Variants in ANKMY1 observed in about 807,000 individuals in gnomAD.
ANKMY1 encodes ankyrin repeat and MYND domain containing 1.
Under a neutral mutation model 102.0 loss-of-function variants are expected in ANKMY1, and 98 were observed. The observed-to-expected ratio is 0.96, with a 90% CI of 0.82 to 1.14. ANKMY1 has a LOEUF of 1.14. ANKMY1 is among the 50% of genes most tolerant of loss of function. ANKMY1 has a pLI of 0.00. For synonymous variants in ANKMY1, 582 were observed against 559.9 expected (o/e 1.04, Z -0.56); for missense variants, 1,330 against 1,347.6 (o/e 0.99, Z 0.20).
chr2:240,515,869 C>T (rs1217288764), intron 9 of ANKMY1, among the ~76,000 whole-genome samples: 1 of 150,600 alleles, frequency 6.6e-6, no homozygotes, highest in Non-Finnish European at 1.5e-5. Flanking sequence ...AGGCACCCGC[C>T]ACCATGCCCG....
chr2:240,485,339 A>AAC (rs2075928586), intron 15 of ANKMY1, among the ~76,000 whole-genome samples: 1 of 152,004 alleles, frequency 6.6e-6, no homozygotes, highest in Non-Finnish European at 1.5e-5. Context: ...AAGAAAAAAA[A>AAC]AAAGAAACAA....
the ANKMY1 span, among the ~76,000 whole-genome samples, chr2:240,474,262 ATT>A: frequency 0.25 from 23,030 of 90,330 alleles, 2,682 homozygotes; most frequent in Middle Eastern, 0.34. Context: ...TGCCTGGCTA[ATT>A]TTTTTTTTTT....
intron 12 of ANKMY1, among the ~76,000 whole-genome samples, chr2:240,508,462 G>A (rs1375670804): frequency 6.6e-6 from 1 of 152,248 alleles, no homozygotes; most frequent in East Asian, 1.9e-4. Context: ...TTCTATGAAT[G>A]CCTTCAGCTT....
chr2:240,475,294 A>G (rs1164851958), downstream of ANKMY1, among the ~76,000 whole-genome samples: 1 of 152,214 alleles, frequency 6.6e-6, no homozygotes, highest in African/African-American at 2.4e-5. Flanking sequence ...GTTAGAATAA[A>G]TGAATTCATT....
Position 240,482,213 on chromosome 2 carries a change from G to A in ANKMY1, c.2855C>T (p.Pro952Leu). 1.2e-6 allele frequency: 2 copies of A among 1,612,798 alleles called. No individual in the cohort carries two copies. Among genetic ancestry groups the A allele is most frequent in the Non-Finnish European group, 1.7e-6 (2 of 1,179,416 alleles). The change falls in exon 16 of 18, where the codon CCC becomes CTC. Residue 952 changes from proline (P) to leucine (L), a missense_variant. Transcript: ENST00000401804. The stretch of plus-strand genomic sequence containing the variant: ...CTGCTCCTTCACATCCAGGCCCCTG[G>A]GCAGGCTGGGGCCCTTCTTCTTCAT... The part of the protein sequence containing the change: ...HRMKKKGPSL[P>L]RGLDVKEQGQ...
the ANKMY1 span, among the ~76,000 whole-genome samples, chr2:240,469,708 A>G: frequency 6.6e-6 from 1 of 152,002 alleles, no homozygotes; most frequent in African/African-American, 2.4e-5. Context: ...CACCCTGTAC[A>G]TGCACACACA....
chr2:240,534,409 C>A (rs1041696657), intron 4 of ANKMY1, among the ~76,000 whole-genome samples: 2 of 152,088 alleles, frequency 1.3e-5, no homozygotes, highest in African/African-American at 4.8e-5. Context: ...GAGTTTGAGA[C>A]CAGCCTGGGC....
rs2083240452 is a variant in ANKMY1, at chr2:240,525,768, C to T, written c.1252G>A (p.Ala418Thr). 6.2e-7 allele frequency: 1 copy of T among 1,614,106 alleles called. No homozygotes were observed. The highest frequency in any genetic ancestry group is 8.5e-7 in the Non-Finnish European group (1 of 1,180,002). ...TGGAGGAGGAAACACATGCTGAGTGCCGTGAGACCCTCATCTGAGCACTTG... is the reference window on the plus strand; with the variant it reads ...TGGAGGAGGAAACACATGCTGAGTGTCGTGAGACCCTCATCTGAGCACTTG... ...VNKCSDEGLT[A>T]LSMCFLLHYP... Residue 418 changes from alanine to threonine, a missense_variant, in exon 7 of 18, where the codon GCA becomes ACA. Physicochemically the swap from Ala to Thr is moderately conservative, Grantham distance 58. Coordinates refer to ENST00000401804, the MANE Select transcript of ANKMY1 (RefSeq NM_001282771.3).
upstream of ANKMY1, among the ~76,000 whole-genome samples, chr2:240,559,848 A>G (rs1277967182): frequency 6.6e-6 from 1 of 152,260 alleles, no homozygotes; most frequent in Non-Finnish European, 1.5e-5. Flanking sequence ...GAGAGACTGT[A>G]TGCAACTGAA....
At position 240,545,274 on chromosome 2, in the gene ANKMY1, C is replaced by T. The variant is rs1003038687; in HGVS notation, c.480+7640G>A. 1.1e-4 allele frequency among the ~76,000 whole-genome samples: 17 copies of T among 152,352 alleles called. No homozygotes were observed. In the South Asian group the frequency reaches 1.2e-3, roughly 11 times the overall value. The stretch of plus-strand genomic sequence containing the variant: ...GACTGACACCTCACAGGGCCGGGTA[C>T]TCCAACAGACCTGCAGCTGAGGGTC... On this transcript the variant is annotated intron_variant, in intron 4 of 17. Coordinates refer to ENST00000401804, the MANE Select transcript of ANKMY1 (RefSeq NM_001282771.3).
chr2:240,473,129 A>AC, the ANKMY1 span, among the ~76,000 whole-genome samples: 1 of 150,568 alleles, frequency 6.6e-6, no homozygotes, highest in Non-Finnish European at 1.5e-5. Flanking sequence ...TGTCTAAAAA[A>AC]AAAAAAAAAA....
chr2:240,509,518 G>T, intron 11 of ANKMY1, 63 bp from the exon 12 acceptor site: 1 of 1,149,462 alleles, frequency 8.7e-7, no homozygotes, highest in Non-Finnish European at 1.2e-6. Context: ...CCTGATGGTA[G>T]TCATTAATTT....
intron 4 of ANKMY1, among the ~76,000 whole-genome samples, chr2:240,547,348 G>A (rs1350154662): frequency 1.3e-5 from 2 of 152,028 alleles, no homozygotes; most frequent in East Asian, 1.9e-4. Flanking sequence ...GAATCTCTGG[G>A]ACGCATTCAA....
At chr2:240,524,443 C>A in intron 7 of ANKMY1, 62 bp from the exon 8 acceptor site, 2 of 1,523,736 alleles carry the variant, frequency 1.3e-6, no homozygotes, top group South Asian at 1.3e-5. Context: ...CATTCTAGGA[C>A]CTTCTTCAGC....
intron 15 of ANKMY1, among the ~76,000 whole-genome samples, chr2:240,491,598 T>C (rs1449747649): frequency 6.6e-6 from 1 of 152,208 alleles, no homozygotes; most frequent in Admixed American, 6.5e-5. Flanking sequence ...GTAGAACTGG[T>C]CTAGTAGTAA....
At chr2:240,500,882 C>T (rs997332325) in intron 13 of ANKMY1, among the ~76,000 whole-genome samples, 3 of 152,236 alleles carry the variant, frequency 2.0e-5, no homozygotes, top group Non-Finnish European at 4.4e-5. Context: ...CATTACAGTC[C>T]TGCTCCCCTC....
intron 5 of ANKMY1, chr2:240,527,675 T>G (rs2084034074): frequency 6.6e-6 from 1 of 151,020 alleles, no homozygotes; most frequent in Non-Finnish European, 1.5e-5. Flanking sequence ...AATGGGTAGG[T>G]GGGTAGGTAG....
intron 4 of ANKMY1, among the ~76,000 whole-genome samples, chr2:240,535,701 T>C (rs1289260615): frequency 6.6e-6 from 1 of 152,194 alleles, no homozygotes; most frequent in Non-Finnish European, 1.5e-5. Flanking sequence ...TAAGAATTTA[T>C]GGTTTGTAGG....
At chr2:240,537,238 T>A (rs1044407299) in intron 4 of ANKMY1, among the ~76,000 whole-genome samples, 8 of 150,676 alleles carry the variant, frequency 5.3e-5, no homozygotes, top group African/African-American at 2.0e-4. Flanking sequence ...GTTTTTCCTT[T>A]CTTTACCTAT....
Sources: allele counts gnomAD v4.1 joint callset (sites outside exome capture counted in the v4.1 genomes callset), GRCh38; gene constraint gnomAD v4.1.1; transcripts MANE v1.5; gene names NCBI Gene and HGNC (gene_info 2026-07-23, HGNC 2026-07-21).